Variants in STXBP5 observed in about 807,000 individuals in gnomAD.
STXBP5 encodes the protein syntaxin binding protein 5.
A neutral mutation model predicts 152.4 loss-of-function variants in STXBP5; 50 were observed. The ratio of observed to expected loss-of-function variants is 0.33; its 90% CI spans 0.26 to 0.42. The LOEUF is 0.42. STXBP5 is among the 10% of genes least tolerant of loss of function. The pLI is 1.00. For synonymous variants in STXBP5, 492 were observed against 494.7 expected, an observed-to-expected ratio of 0.99 and a Z score of 0.07; for missense variants, 1,167 against 1,388.6, an observed-to-expected ratio of 0.84 and a Z score of 2.54.
At chr6:147,255,267 G>C (rs1323939898) in intron 4 of STXBP5, among the ~76,000 whole-genome samples, 1 of 152,194 alleles carries the variant, frequency 6.6e-6, no homozygotes, top group Non-Finnish European at 1.5e-5. Context: ...GCTGAACAAT[G>C]AGAACACAGA....
intron 16 of STXBP5, among the ~76,000 whole-genome samples, chr6:147,319,008 T>G (rs1782780033): frequency 6.6e-6 from 1 of 152,194 alleles, no homozygotes; most frequent in Non-Finnish European, 1.5e-5. Flanking sequence ...ACCTCAGAAC[T>G]TTGTGACCAT....
rs114584539 is a variant in STXBP5 at position 147,267,295 on chromosome 6, A to G, written c.714+128A>G. The G allele has an allele frequency of 1.3e-3, 867 of 665,780 alleles. 6 individuals carry two copies. In the African/African-American group the frequency reaches 0.015, roughly 11 times the overall value. 41.2% of individuals were successfully genotyped at this position (665,780 alleles called of 1,614,324 possible). On this transcript the variant is annotated intron_variant, in intron 7 of 27. Transcript: ENST00000321680. ...TGCAGTAATACACAATTTATTTTTT[A>G]CAATAGATAATATGTTCACACAATT...
intron 2 of STXBP5, among the ~76,000 whole-genome samples, chr6:147,208,085 A>G (rs1776662562): frequency 6.6e-6 from 1 of 152,206 alleles, no homozygotes; most frequent in Non-Finnish European, 1.5e-5. Context: ...CTATAGTTAA[A>G]TATTATGTGA....
intron 2 of STXBP5, among the ~76,000 whole-genome samples, chr6:147,218,939 C>A (rs568631935): frequency 1.2e-3 from 176 of 152,156 alleles, no homozygotes; most frequent in African/African-American, 4.1e-3. Context: ...ATGTGCATAC[C>A]TTTTATTTCC....
intron 16 of STXBP5, among the ~76,000 whole-genome samples, chr6:147,322,579 AT>A (rs1782989923): frequency 6.6e-6 from 1 of 152,216 alleles, no homozygotes; most frequent in South Asian, 2.1e-4. Context: ...GTGGCAGGAA[AT>A]TCAACATCGA....
intron 9 of STXBP5, among the ~76,000 whole-genome samples, chr6:147,296,358 C>G (rs1191957960): frequency 6.6e-6 from 1 of 152,174 alleles, no homozygotes; most frequent in Non-Finnish European, 1.5e-5. Flanking sequence ...GCCACTAAGG[C>G]ACTCACAGAC....
chr6:147,357,286 G>C (rs1784858680), intron 22 of STXBP5, among the ~76,000 whole-genome samples: 1 of 152,020 alleles, frequency 6.6e-6, no homozygotes, highest in Admixed American at 6.6e-5. Context: ...AGGAGAAAAG[G>C]CTGATGCAAA....
intron 22 of STXBP5, among the ~76,000 whole-genome samples, chr6:147,358,505 A>G (rs984280888): frequency 6.6e-6 from 1 of 152,114 alleles, no homozygotes; most frequent in African/African-American, 2.4e-5. Context: ...TATTAGCATA[A>G]AAGTAAATTG....
chr6:147,205,371 C>CATATATATATATAGAT (rs1554281741), intron 1 of STXBP5, among the ~76,000 whole-genome samples: 4 of 141,862 alleles, frequency 2.8e-5, no homozygotes, highest in African/African-American at 5.2e-5. Context: ...TAAAAGTGTG[C>CATATATATATATAGAT]ATATATATAT....
intron 2 of STXBP5, among the ~76,000 whole-genome samples, chr6:147,225,850 T>G (rs1777683174): frequency 6.6e-6 from 1 of 152,172 alleles, no homozygotes. Flanking sequence ...ACAAAAGTCA[T>G]TGAAGATAAA....
chr6:147,221,012 T>A (rs551221272), intron 2 of STXBP5, among the ~76,000 whole-genome samples: 1 of 152,236 alleles, frequency 6.6e-6, no homozygotes, highest in African/African-American at 2.4e-5. Context: ...CCACATTTTC[T>A]CTCCTTTCTT....
chr6:147,291,257 C>G lies in STXBP5; in HGVS notation c.917+85C>G, dbSNP rs1427995156. On this transcript the variant is annotated intron_variant, in intron 9 of 27. Coordinates refer to ENST00000321680, the MANE Select transcript of STXBP5 (RefSeq NM_001127715.4). ...GCTATTTTATCATTAATTTTGAAGG[C>G]CTATTTTAGAATAGTCTACACCATT... 5.4e-6 allele frequency: 6 copies of G among 1,109,076 alleles called. No individual in the cohort carries two copies. In the African/African-American group the frequency reaches 9.5e-5, roughly 18 times the overall value. The allele number at this position is 1,109,076 out of a possible 1,614,324, so 68.7% of individuals were successfully genotyped here.
chr6:147,260,232 A>G (rs1245047766), intron 4 of STXBP5, among the ~76,000 whole-genome samples: 1 of 152,186 alleles, frequency 6.6e-6, no homozygotes, highest in African/African-American at 2.4e-5. Context: ...ACTGAGATGG[A>G]TTAATGTGCT....
intron 25 of STXBP5, among the ~76,000 whole-genome samples, chr6:147,366,575 A>G (rs1198034382): frequency 6.6e-6 from 1 of 152,170 alleles, no homozygotes; most frequent in Non-Finnish European, 1.5e-5. Context: ...CATCACTGGA[A>G]TCTCTGCCTT....
At chr6:147,331,804 T>TAAAAAAAAA (rs1562250948) in intron 18 of STXBP5, among the ~76,000 whole-genome samples, 2 of 110,390 alleles carry the variant, frequency 1.8e-5, no homozygotes, top group African/African-American at 3.4e-5. Flanking sequence ...TTTCTACCAG[T>TAAAAAAAAA]TAAAAAAAAA....
At chr6:147,302,675 C>G (rs886701837) in intron 9 of STXBP5, among the ~76,000 whole-genome samples, 1 of 152,130 alleles carries the variant, frequency 6.6e-6, no homozygotes, top group Non-Finnish European at 1.5e-5. Context: ...ATTAGCCAGG[C>G]ATGGTGGCAT....
At position 147,267,049 on chromosome 6, in the gene STXBP5, A is replaced by T. The variant is rs867344278; in HGVS notation, c.631-35A>T. On this transcript the variant is annotated intron_variant, in intron 6 of 27. Coordinates refer to ENST00000321680, the MANE Select transcript of STXBP5 (RefSeq NM_001127715.4). Reference sequence around the variant, plus strand: ...AAATAAATGTTTTATAATTGATATCATTCCTAGGTAATGTGCCTTTTTCTT... The same window carrying T: ...AAATAAATGTTTTATAATTGATATCTTTCCTAGGTAATGTGCCTTTTTCTT... 4 of 1,517,156 alleles carry T rather than the reference A, an allele frequency of 2.6e-6. No homozygotes were observed. The Middle Eastern group carries it at 5.1e-4, about 194-fold the overall frequency. 94.0% of individuals were successfully genotyped at this position (1,517,156 alleles called of 1,614,324 possible).
intron 6 of STXBP5, among the ~76,000 whole-genome samples, chr6:147,265,138 G>A (rs1779829623): frequency 6.6e-6 from 1 of 152,080 alleles, no homozygotes; most frequent in African/African-American, 2.4e-5. Context: ...TGGGAAAAGA[G>A]AGAGGAAACA....
intron 16 of STXBP5, 125 bp from the exon 17 acceptor site, chr6:147,324,834 G>A (rs1783153275): frequency 1.1e-6 from 1 of 938,290 alleles, no homozygotes; most frequent in Non-Finnish European, 1.4e-6. Context: ...AATGCTTCTA[G>A]AAAACAGGAT....
Sources: gnomAD v4.1 joint callset for allele counts (sites outside exome capture counted in the v4.1 genomes callset) on GRCh38, gnomAD v4.1.1 for gene constraint, MANE v1.5 for transcripts, NCBI Gene and HGNC (gene_info 2026-07-23, HGNC 2026-07-21) for gene names.